The following DOK4 variants were observed in gnomAD, a reference collection of about 807,000 sequenced individuals.
DOK4 encodes the protein downstream of tyrosine kinase 4.
DOK4 carries 26 observed loss-of-function variants against 40.1 expected under a neutral mutation model. The observed-to-expected ratio is 0.65, with a 90% CI of 0.48 to 0.90. The LOEUF is 0.90. Among genes scored for constraint, DOK4 ranks in the 40% least tolerant of loss-of-function variants. The pLI is 0.00. For synonymous variants in DOK4, 179 were observed against 177.0 expected, an observed-to-expected ratio of 1.01 and a Z score of -0.09; for missense variants, 392 against 437.2, an observed-to-expected ratio of 0.90 and a Z score of 0.92.
chr16:57,474,992 G>T lies in DOK4; in HGVS notation c.410-10C>A. On this transcript the variant is annotated splice_polypyrimidine_tract_variant and intron_variant, in intron 5 of 8. Transcript: ENST00000340099. ...AAGACATTGAAGCGATCTGGAGTGGGGGAGGGTGGACAAGTGGGACCAGAG... is the reference window on the plus strand; with the variant it reads ...AAGACATTGAAGCGATCTGGAGTGGTGGAGGGTGGACAAGTGGGACCAGAG... The T allele has an allele frequency of 6.2e-7, 1 of 1,603,824 alleles. No homozygotes were observed. The highest frequency in any genetic ancestry group is 8.5e-7 in the Non-Finnish European group (1 of 1,173,096).
intron 1 of DOK4, among the ~76,000 whole-genome samples, chr16:57,482,686 C>T (rs553612303): frequency 1.3e-5 from 2 of 152,028 alleles, no homozygotes; most frequent in South Asian, 2.1e-4. Context: ...GGGTTTTCAC[C>T]ATGTTGCCCA....
At chr16:57,486,061 G>A (rs2031530138) in intron 1 of DOK4, among the ~76,000 whole-genome samples, 1 of 152,082 alleles carries the variant, frequency 6.6e-6, no homozygotes, top group Non-Finnish European at 1.5e-5. Context: ...GTCAGCTCGC[G>A]ACCTGGGCTC....
At chr16:57,483,406 G>T (rs1393211659) in intron 1 of DOK4, among the ~76,000 whole-genome samples, 1 of 152,162 alleles carries the variant, frequency 6.6e-6, no homozygotes, top group Non-Finnish European at 1.5e-5. Flanking sequence ...CAAAGTGGGA[G>T]GATCACTTGG....
At chr16:57,474,114 C>T (rs189324241) in intron 6 of DOK4, 75 bp from the exon 7 acceptor site, 4 of 1,588,154 alleles carry the variant, frequency 2.5e-6, no homozygotes, top group Admixed American at 1.7e-5. Flanking sequence ...GGCTCTCTTG[C>T]AACTGCAAGT....
exon 3 of DOK4, chr16:57,475,860 C>A (rs372759190): frequency 2.5e-6 from 4 of 1,612,888 alleles, no homozygotes; most frequent in Non-Finnish European, 3.4e-6. Flanking sequence ...CTTGGGGCAG[C>A]CCCGGAGGCA....
chr16:57,476,050 G>A (rs1054744721), intron 2 of DOK4, 93 bp from the exon 3 acceptor site: 74 of 1,075,652 alleles, frequency 6.9e-5, no homozygotes, highest in Middle Eastern at 2.1e-4. Flanking sequence ...CACAGGGGGC[G>A]GTGCCGCACA....
exon 9 of DOK4, chr16:57,472,198 C>CT (rs1484753183): frequency 9.8e-5 from 15 of 152,410 alleles, no homozygotes; most frequent in Admixed American, 9.2e-4. Flanking sequence ...GGGCCGCGTG[C>CT]TTTATCATCC....
chr16:57,474,814 C>T (rs934305263), exon 6 of DOK4: 5 of 1,614,084 alleles, frequency 3.1e-6, no homozygotes, highest in Middle Eastern at 1.7e-4. Context: ...GAAGGTAAAG[C>T]GTGTGGCATC....
intron 1 of DOK4, among the ~76,000 whole-genome samples, chr16:57,482,358 CTTTTG>C (rs1273362138): frequency 1.8e-5 from 2 of 111,794 alleles, no homozygotes; most frequent in Non-Finnish European, 3.7e-5. Flanking sequence ...AGAGATGGGG[CTTTTG>C]TTTTTTTTTT....
At chr16:57,474,578 G>T in intron 6 of DOK4, 1 of 630,774 alleles carries the variant, frequency 1.6e-6, no homozygotes, top group Non-Finnish European at 2.7e-6. Flanking sequence ...TATGATTTTT[G>T]GTAAATAGCT....
At chr16:57,474,936 A>G (rs779407911) in exon 6 of DOK4, 13 of 1,613,648 alleles carry the variant, frequency 8.1e-6, no homozygotes, top group East Asian at 6.7e-5. Flanking sequence ...TGCACTCGCC[A>G]TACACGTCCA....
At chr16:57,475,510 G>A (rs932818573) in exon 4 of DOK4, 2 of 1,605,002 alleles carry the variant, frequency 1.2e-6, no homozygotes, top group Non-Finnish European at 8.5e-7. Context: ...CCTCACCTGA[G>A]TCGCAGGTGA....
At chr16:57,482,229 A>G (rs1287364605) in intron 1 of DOK4, among the ~76,000 whole-genome samples, 3 of 151,766 alleles carry the variant, frequency 2.0e-5, no homozygotes, top group Non-Finnish European at 2.9e-5. Context: ...GGGTGCCATC[A>G]CGGCTTACGG....
chr16:57,481,224 G>A (rs1156472068), intron 1 of DOK4, among the ~76,000 whole-genome samples: 11 of 152,102 alleles, frequency 7.2e-5, no homozygotes, highest in Admixed American at 2.6e-4. Context: ...GTGGGCACAC[G>A]CACAGATGGG....
chr16:57,476,755 G>A (rs1229845153), intron 2 of DOK4, among the ~76,000 whole-genome samples: 3 of 152,222 alleles, frequency 2.0e-5, no homozygotes, highest in Non-Finnish European at 4.4e-5. Context: ...CTTCCCTCCT[G>A]GCCCTGGCCA....
Position 57,473,505 on chromosome 16 carries a change from CAG to C in DOK4, c.863-12_863-11del, listed in dbSNP as rs758640321. ...GCCCCATACCCCTCACCTGTGGGCA[CAG>C]AAGCAGGCTCAGAACTCAGAGCTAG... On this transcript the variant is annotated splice_polypyrimidine_tract_variant and intron_variant, in intron 8 of 8. Transcript: ENST00000340099. The C allele has an allele frequency of 3.1e-6, 5 of 1,614,222 alleles. No individual in the cohort carries two copies. In the South Asian group the frequency reaches 5.5e-5, roughly 18 times the overall value.
chr16:57,480,423 G>C (rs1379723879), intron 1 of DOK4: 1 of 152,466 alleles, frequency 6.6e-6, no homozygotes, highest in African/African-American at 2.4e-5. Context: ...GAGTCCAGTG[G>C]GGCGGGCCTC....
intron 2 of DOK4, 164 bp from the exon 3 acceptor site, chr16:57,476,121 C>T: frequency 1.6e-6 from 1 of 607,804 alleles, no homozygotes; most frequent in South Asian, 1.9e-5. Flanking sequence ...AGTGTCACCT[C>T]CCTGGGAGAG....
intron 2 of DOK4, chr16:57,476,251 A>G (rs150527429): frequency 2.2e-5 from 9 of 413,346 alleles, no homozygotes; most frequent in Admixed American, 3.8e-5. Flanking sequence ...TAGTGTGAGT[A>G]GCCAACGTTC....
Sources: gnomAD v4.1 joint callset for allele counts (sites outside exome capture counted in the v4.1 genomes callset) on GRCh38, gnomAD v4.1.1 for gene constraint, MANE v1.5 for transcripts, NCBI Gene and HGNC (gene_info 2026-07-23, HGNC 2026-07-21) for gene names.